RBFOX1: variants seen among roughly 807,000 people sequenced by gnomAD.
The protein encoded by RBFOX1 is RNA binding protein fox-1 homolog 1.
In RBFOX1, 8 loss-of-function variants were observed where a neutral mutation model predicts 57.7. The ratio of observed to expected loss-of-function variants is 0.14; its 90% CI spans 0.08 to 0.25. The LOEUF is 0.25. Among genes scored for constraint, RBFOX1 ranks in the 10% least tolerant of loss-of-function variants. The pLI, the probability that RBFOX1 is intolerant of heterozygous loss-of-function variation, is 1.00. For missense variants in RBFOX1, 611 were observed against 548.5 expected (o/e 1.11, Z -1.14); for synonymous variants, 326 against 222.4 (o/e 1.47, Z -4.15).
chr16:5,841,430 G>T (rs550507640), intron 3 of RBFOX1, among the ~76,000 whole-genome samples: 20 of 152,202 alleles, frequency 1.3e-4, no homozygotes, highest in Non-Finnish European at 2.2e-4. Flanking sequence ...CTTCCCGAGA[G>T]CAAGGGAGGG....
At chr16:5,803,737 G>A (rs1025887219) in intron 3 of RBFOX1, among the ~76,000 whole-genome samples, 2 of 152,262 alleles carry the variant, frequency 1.3e-5, no homozygotes, top group South Asian at 2.1e-4. Flanking sequence ...TGAATAGGAT[G>A]CATTATCTAC....
At chr16:5,744,800 C>T (rs1480830358) in intron 3 of RBFOX1, among the ~76,000 whole-genome samples, 1 of 152,138 alleles carries the variant, frequency 6.6e-6, no homozygotes, top group Non-Finnish European at 1.5e-5. Flanking sequence ...CTCTGTCGCC[C>T]AGGCTGGAGT....
At chr16:7,151,708 T>C (rs2076144486) in intron 4 of RBFOX1, among the ~76,000 whole-genome samples, 1 of 152,110 alleles carries the variant, frequency 6.6e-6, no homozygotes, top group African/African-American at 2.4e-5. Flanking sequence ...CTCACCATAA[T>C]GTAGAATCAG....
In RBFOX1 at chr16:7,411,915, AAAAAAAAAAG is replaced by A. The variant is rs1432665407; in HGVS notation, c.28-106230_28-106221del. Among the ~76,000 whole-genome samples, 27 of 151,656 alleles carry A rather than the reference AAAAAAAAAAG, an allele frequency of 1.8e-4. No individual in the cohort carries two copies. The East Asian group carries it at 2.9e-3, about 16-fold the overall frequency. ...CAAAACTCCTTTCAAAAAAAAAAAA[AAAAAAAAAAG>A]ATAGGGAAAATCTGAGAAACTATCA... is the stretch of plus-strand genomic sequence containing the variant. On this transcript the variant is annotated intron_variant, in intron 4 of 15. Transcript: ENST00000550418.
intron 3 of RBFOX1, among the ~76,000 whole-genome samples, chr16:5,729,172 T>G (rs2052265404): frequency 6.6e-6 from 1 of 152,200 alleles, no homozygotes; most frequent in African/African-American, 2.4e-5. Flanking sequence ...ACAAACTGTG[T>G]GTCTTTGGGC....
At chr16:5,899,758 G>C (rs1427082121) in intron 4 of RBFOX1, among the ~76,000 whole-genome samples, 1 of 152,194 alleles carries the variant, frequency 6.6e-6, no homozygotes, top group African/African-American at 2.4e-5. Context: ...ACCTGAATGG[G>C]CATGCTGAAA....
At chr16:6,504,774 G>C (rs60547360) in intron 2 of RBFOX1, among the ~76,000 whole-genome samples, 8,379 of 152,174 alleles carry the variant, frequency 0.055, 790 homozygotes, top group African/African-American at 0.19. Context: ...AACAAAGTCT[G>C]GCCAGGTGCA....
intron 1 of RBFOX1, among the ~76,000 whole-genome samples, chr16:6,125,428 T>C (rs7189501): frequency 0.33 from 50,556 of 152,028 alleles, 9,628 homozygotes; most frequent in Non-Finnish European, 0.44. Context: ...CTTGTTTGTC[T>C]GCTTTGGGTA....
At chr16:6,638,697 C>T (rs181719964) in intron 2 of RBFOX1, among the ~76,000 whole-genome samples, 133 of 152,206 alleles carry the variant, frequency 8.7e-4, no homozygotes, top group African/African-American at 2.7e-3. Context: ...TGTCTTATTA[C>T]GAGCACTCAT....
intron 9 of RBFOX1, among the ~76,000 whole-genome samples, chr16:7,598,308 T>C (rs1008691456): frequency 3.9e-5 from 6 of 152,116 alleles, no homozygotes; most frequent in African/African-American, 1.4e-4. Flanking sequence ...TAAATGTTTG[T>C]CGCATAACTT....
intron 1 of RBFOX1, among the ~76,000 whole-genome samples, chr16:6,172,324 A>G (rs77929082): frequency 0.014 from 2,125 of 152,234 alleles, 40 homozygotes; most frequent in African/African-American, 0.049. Flanking sequence ...GTGGGAAAGA[A>G]GGGAAAGCAG....
At chr16:6,246,052 A>G (rs2097567503) in intron 1 of RBFOX1, among the ~76,000 whole-genome samples, 1 of 152,180 alleles carries the variant, frequency 6.6e-6, no homozygotes, top group South Asian at 2.1e-4. Flanking sequence ...AATCAGAATT[A>G]TTGTGGTTTT....
chr16:6,445,734 C>T (rs150979979), intron 2 of RBFOX1, among the ~76,000 whole-genome samples: 80 of 152,188 alleles, frequency 5.3e-4, no homozygotes, highest in African/African-American at 1.9e-3. Context: ...AGGCACACAC[C>T]ACCATGCCCA....
chr16:5,288,888 A>G (rs201329923), intron 1 of RBFOX1, among the ~76,000 whole-genome samples: 3 of 50,962 alleles, frequency 5.9e-5, no homozygotes. Flanking sequence ...GTACTTTGGG[A>G]GGCCAGGGCA....
At position 7,713,197 on chromosome 16, in the gene RBFOX1, AACAC is replaced by A. The variant is rs1159168608; in HGVS notation, c.*2458_*2461del. 6.6e-6 allele frequency: 1 copy of A among 152,250 alleles called. No individual in the cohort carries two copies. Among genetic ancestry groups the A allele is most frequent in the Non-Finnish European group, 1.5e-5 (1 of 68,052 alleles). 9.4% of individuals were successfully genotyped at this position (152,250 alleles called of 1,614,324 possible). ...TATGTGTGGCATATAGTGACTTCTT[AACAC>A]ACACATCACGCAATCTGCAAACCCA... On this transcript the variant is annotated 3_prime_UTR_variant, in exon 16 of 16. Transcript: ENST00000550418.
intron 14 of RBFOX1, among the ~76,000 whole-genome samples, chr16:7,678,625 A>C (rs1176037177): frequency 6.6e-6 from 1 of 152,180 alleles, no homozygotes; most frequent in African/African-American, 2.4e-5. Context: ...CCAAGTTGAA[A>C]AAAAAAGATT....
intron 1 of RBFOX1, among the ~76,000 whole-genome samples, chr16:5,428,165 C>T (rs566842929): frequency 2.4e-4 from 37 of 151,926 alleles, no homozygotes; most frequent in Admixed American, 6.6e-4. Context: ...TATGTGCATA[C>T]ACACAAACAC....
chr16:5,689,983 C>G (rs1018654374), intron 3 of RBFOX1, among the ~76,000 whole-genome samples: 1 of 152,122 alleles, frequency 6.6e-6, no homozygotes, highest in Admixed American at 6.6e-5. Context: ...GGGAGTGCTG[C>G]TTGCACATGG....
At chr16:5,988,180 G>C (rs2060319172) in intron 4 of RBFOX1, among the ~76,000 whole-genome samples, 2 of 152,176 alleles carry the variant, frequency 1.3e-5, no homozygotes, top group South Asian at 4.1e-4. Flanking sequence ...AGGTGCAAAT[G>C]TAATATAATA....
Sources: allele counts gnomAD v4.1 joint callset (sites outside exome capture counted in the v4.1 genomes callset), GRCh38; gene constraint gnomAD v4.1.1; transcripts MANE v1.5; gene names NCBI Gene and HGNC (gene_info 2026-07-23, HGNC 2026-07-21).